The following INPP5F variants were observed in gnomAD, a reference collection of about 807,000 sequenced individuals.
The protein encoded by INPP5F is phosphatidylinositide 4-phosphatase SAC2.
In INPP5F, 97 loss-of-function variants were observed where a neutral mutation model predicts 137.2. That is an observed-to-expected ratio of 0.71 (90% CI 0.60 to 0.84). The LOEUF (loss-of-function observed/expected upper bound fraction) is 0.84. Among genes scored for constraint, INPP5F ranks in the 40% least tolerant of loss-of-function variants. The probability of loss-of-function intolerance (pLI) is 0.00; values close to 1 mark genes in which losing one functional copy is unlikely to be tolerated. For synonymous variants in INPP5F, 504 were observed against 476.9 expected, an observed-to-expected ratio of 1.06 and a Z score of -0.74; for missense variants, 1,271 against 1,371.9, an observed-to-expected ratio of 0.93 and a Z score of 1.16.
In INPP5F at chr10:119,732,011, T is replaced by G. The variant is rs560377966; in HGVS notation, c.97+5652T>G. Among the ~76,000 whole-genome samples the G allele has an allele frequency of 7.3e-5, 11 of 151,712 alleles. No individual in the cohort carries two copies. In the South Asian group the frequency reaches 2.3e-3, roughly 32 times the overall value. The stretch of plus-strand genomic sequence containing the variant: ...ACAAAGTTTTCACCCCACCCATTTT[T>G]GGCTTAAATAAAAGAAGACAAGTGG... On this transcript the variant is annotated intron_variant, in intron 1 of 19. Transcript: ENST00000650623.
intron 9 of INPP5F, 142 bp downstream of exon 9, chr10:119,798,752 T>A (rs1045545180): frequency 4.6e-6 from 2 of 430,770 alleles, no homozygotes; most frequent in African/African-American, 4.1e-5. Flanking sequence ...AGAGTTTTCT[T>A]AATATTCTTT....
At chr10:119,775,026 G>A (rs1360394449) in intron 2 of INPP5F, among the ~76,000 whole-genome samples, 1 of 151,534 alleles carries the variant, frequency 6.6e-6, no homozygotes, top group East Asian at 2.0e-4. Flanking sequence ...AGTAAAATTT[G>A]TAAGGAAATA....
chr10:119,796,701 C>G lies in INPP5F; in HGVS notation c.670-14C>G, dbSNP rs778859851. ...TACAGAATAGAAACGATATCATGTTCATTTTGTTTTCAGACTCCAGATGTG... is the reference window on the plus strand; with the variant it reads ...TACAGAATAGAAACGATATCATGTTGATTTTGTTTTCAGACTCCAGATGTG... On this transcript the variant is annotated splice_polypyrimidine_tract_variant and intron_variant, in intron 6 of 19. Transcript: ENST00000650623. 2 of 1,600,714 alleles carry G rather than the reference C, an allele frequency of 1.2e-6. No individual in the cohort carries two copies. Among genetic ancestry groups the G allele is most frequent in the East Asian group, 2.2e-5 (1 of 44,814 alleles).
rs78493644 is a variant in INPP5F at position 119,754,112 on chromosome 10, G to A, written c.178+2956G>A. Among the ~76,000 whole-genome samples, 741 of 152,306 alleles carry A rather than the reference G, an allele frequency of 4.9e-3. 7 individuals are homozygous for A. The highest frequency in any genetic ancestry group is 0.017 in the African/African-American group (697 of 41,558). On this transcript the variant is annotated intron_variant, in intron 2 of 19. Coordinates refer to ENST00000650623, the MANE Select transcript of INPP5F (RefSeq NM_014937.4). Reference sequence around the variant, plus strand: ...TGGAAACTGACAAGCAGTTAAAAAAGATTGAGTAGTGAGTCCACGTTAGAC... The same window carrying A: ...TGGAAACTGACAAGCAGTTAAAAAAAATTGAGTAGTGAGTCCACGTTAGAC...
intron 2 of INPP5F, among the ~76,000 whole-genome samples, chr10:119,754,730 C>T (rs961433343): frequency 1.1e-4 from 17 of 151,402 alleles, no homozygotes; most frequent in African/African-American, 4.1e-4. Context: ...TGTCACTCTG[C>T]CCCCAGCCCC....
Position 119,795,561 on chromosome 10 carries a change from G to A in INPP5F, c.670-1154G>A, listed in dbSNP as rs529078323. On this transcript the variant is annotated intron_variant, in intron 6 of 19. Transcript: ENST00000650623. ...CGCTCCTCACTTCCTAGATGGGATG[G>A]CGGCCGGGCAGAGACGCTCCTCACT... is the stretch of plus-strand genomic sequence containing the variant. 7.1e-3 allele frequency among the ~76,000 whole-genome samples: 1,084 copies of A among 151,698 alleles called. 4 individuals carry two copies. Among genetic ancestry groups the A allele is most frequent in the Non-Finnish European group, 0.011 (754 of 67,890 alleles).
chr10:119,745,336 C>CT lies in INPP5F; in HGVS notation c.98-5733dup, dbSNP rs958432123. Among the ~76,000 whole-genome samples, 7 of 151,730 alleles carry CT rather than the reference C, an allele frequency of 4.6e-5. 1 individual carries two copies. The highest frequency in any genetic ancestry group is 1.3e-4 in the Admixed American group (2 of 15,238). On this transcript the variant is annotated intron_variant, in intron 1 of 19. Coordinates refer to ENST00000650623, the MANE Select transcript of INPP5F (RefSeq NM_014937.4). Reference sequence around the variant, plus strand: ...CTTTTTTTGTTTTTTGTTTTTAAATCTTTTTTTGTTATTTTTTCTTTTTTT... The same window carrying CT: ...CTTTTTTTGTTTTTTGTTTTTAAATCTTTTTTTTGTTATTTTTTCTTTTTTT...
At chr10:119,794,483 A>G (rs1207954624) in intron 6 of INPP5F, among the ~76,000 whole-genome samples, 2 of 151,732 alleles carry the variant, frequency 1.3e-5, no homozygotes, top group African/African-American at 4.8e-5. Flanking sequence ...CCCCCTTTCT[A>G]TTCCACAAAA....
In INPP5F at chr10:119,772,661, C is replaced by G. The variant is rs1336708338; in HGVS notation, c.179-8974C>G. Among the ~76,000 whole-genome samples the G allele has an allele frequency of 2.6e-5, 4 of 152,130 alleles. No homozygotes were observed. In the East Asian group the frequency reaches 7.7e-4, roughly 29 times the overall value. On this transcript the variant is annotated intron_variant, in intron 2 of 19. Transcript: ENST00000650623. ...TTTTGCTTTTATTTTTAGCAATTAG[C>G]TCATCTACAATTAATTGGGGGGCAT...
At chr10:119,820,092 T>C (rs1851494755) in intron 15 of INPP5F, among the ~76,000 whole-genome samples, 1 of 152,248 alleles carries the variant, frequency 6.6e-6, no homozygotes, top group African/African-American at 2.4e-5. Context: ...AAGTTTCACC[T>C]TAATTCAGAT....
chr10:119,777,124 G>T (rs1368348923), intron 2 of INPP5F, among the ~76,000 whole-genome samples: 1 of 152,054 alleles, frequency 6.6e-6, no homozygotes, highest in Non-Finnish European at 1.5e-5. Context: ...TGAACTCCTG[G>T]CCTTGAGTGA....
At chr10:119,826,479 A>G (rs949764971) in intron 19 of INPP5F, 152 bp from the exon 20 acceptor site, 1 of 635,822 alleles carries the variant, frequency 1.6e-6, no homozygotes, top group Non-Finnish European at 2.7e-6. Flanking sequence ...CACTGTTTTA[A>G]TGTCAACTCT....
chr10:119,820,976 C>G, intron 16 of INPP5F, 59 bp downstream of exon 16: 1 of 1,107,648 alleles, frequency 9.0e-7, no homozygotes, highest in East Asian at 2.4e-5. Flanking sequence ...AGTAAATTTT[C>G]TTTTTAGAAT....
chr10:119,770,642 C>G (rs1849307370), intron 2 of INPP5F, among the ~76,000 whole-genome samples: 1 of 152,006 alleles, frequency 6.6e-6, no homozygotes, highest in South Asian at 2.1e-4. Flanking sequence ...TCTGTGAGGT[C>G]TTCTTTTGTT....
chr10:119,740,958 A>G (rs571305073), intron 1 of INPP5F, among the ~76,000 whole-genome samples: 2 of 152,334 alleles, frequency 1.3e-5, no homozygotes, highest in South Asian at 4.1e-4. Context: ...GAAAGTTACT[A>G]ACATTTATTA....
Position 119,751,076 on chromosome 10 carries a change from C to T in INPP5F, c.98C>T (p.Ala33Val). ...RRDGGLQLRP[A>V]TDLLLAWNPI... is the part of the protein sequence containing the mutation. ...ATCACTGCTTCCTATTTTATTTTAG[C>T]TACTGATCTACTTCTTGCCTGGAAT... is the stretch of plus-strand genomic sequence containing the variant. The change falls in exon 2 of 20, where the codon GCT (alanine) becomes GTT (valine). Residue 33 changes from alanine to valine, a missense_variant and splice_region_variant. By Grantham distance (64) the Ala-to-Val change is moderately conservative. Transcript: ENST00000650623. 6.3e-7 allele frequency: 1 copy of T among 1,589,450 alleles called. No homozygotes were observed. The highest frequency in any genetic ancestry group is 8.6e-7 in the Non-Finnish European group (1 of 1,157,626).
At chr10:119,776,686 T>TTG (rs142691417) in intron 2 of INPP5F, among the ~76,000 whole-genome samples, 35 of 149,776 alleles carry the variant, frequency 2.3e-4, no homozygotes, top group South Asian at 2.1e-4. Flanking sequence ...GTATGTGTGT[T>TTG]TGTGTGTGTG....
intron 17 of INPP5F, among the ~76,000 whole-genome samples, 190 bp downstream of exon 17, chr10:119,822,694 A>G (rs1851612359): frequency 6.6e-6 from 1 of 152,256 alleles, no homozygotes; most frequent in African/African-American, 2.4e-5. Flanking sequence ...TAAGGCAGAA[A>G]TGTCGGCTCT....
At chr10:119,736,335 A>G (rs1355779526) in intron 1 of INPP5F, among the ~76,000 whole-genome samples, 1 of 152,132 alleles carries the variant, frequency 6.6e-6, no homozygotes, top group African/African-American at 2.4e-5. Flanking sequence ...TGACTTTTCT[A>G]TTTTTTAAAT....
Sources: gnomAD v4.1 joint callset for allele counts (sites outside exome capture counted in the v4.1 genomes callset) on GRCh38, gnomAD v4.1.1 for gene constraint, MANE v1.5 for transcripts, NCBI Gene and HGNC (gene_info 2026-07-23, HGNC 2026-07-21) for gene names.